The following SENP7 variants were observed in gnomAD, a reference collection of about 807,000 sequenced individuals.
The protein encoded by SENP7 is sentrin-specific protease 7.
In SENP7, 64 loss-of-function variants were observed where a neutral mutation model predicts 141.2. The ratio of observed to expected loss-of-function variants is 0.45; its 90% CI spans 0.37 to 0.56. The LOEUF is 0.56. SENP7 is among the 20% of genes least tolerant of loss of function. SENP7 has a pLI of 0.00. For synonymous variants in SENP7, 382 were observed against 426.4 expected (o/e 0.90, Z 1.28); for missense variants, 1,025 against 1,212.2 (o/e 0.85, Z 2.29).
chr3:101,461,608 T>C (rs1359919368), intron 3 of SENP7, among the ~76,000 whole-genome samples: 1 of 150,250 alleles, frequency 6.7e-6, no homozygotes, highest in Non-Finnish European at 1.5e-5. Context: ...AAAAAAACAG[T>C]ATTGCAGTTC....
intron 4 of SENP7, among the ~76,000 whole-genome samples, chr3:101,440,825 T>C (rs2062640329): frequency 6.6e-6 from 1 of 152,166 alleles, no homozygotes; most frequent in Non-Finnish European, 1.5e-5. Context: ...CAAGGAGATT[T>C]ATCCCAGGAA....
intron 6 of SENP7, among the ~76,000 whole-genome samples, chr3:101,386,518 T>C (rs1242975208): frequency 6.6e-6 from 1 of 152,118 alleles, no homozygotes; most frequent in African/African-American, 2.4e-5. Context: ...ACAGACGACA[T>C]CATGCCCTGA....
At chr3:101,356,565 T>G (rs1447671380) in intron 11 of SENP7, among the ~76,000 whole-genome samples, 2 of 152,050 alleles carry the variant, frequency 1.3e-5, no homozygotes, top group African/African-American at 4.8e-5. Context: ...TACTCAACAC[T>G]CTGATTTCGT....
Position 101,380,873 on chromosome 3 carries a change from C to T in SENP7, c.678-8747G>A, listed in dbSNP as rs1432133003. Reference sequence around the variant, plus strand: ...GAAAAAAAACTGGATACAATCCAAACTCCATCAATAAAAAGTAGGTAGATC... The same window carrying T: ...GAAAAAAAACTGGATACAATCCAAATTCCATCAATAAAAAGTAGGTAGATC... On this transcript the variant is annotated intron_variant, in intron 6 of 23. Coordinates refer to ENST00000394095, the MANE Select transcript of SENP7 (RefSeq NM_020654.5). Among the ~76,000 whole-genome samples the T allele has an allele frequency of 5.9e-5, 9 of 152,112 alleles. No individual in the cohort carries two copies. The South Asian group carries it at 1.9e-3, about 32-fold the overall frequency.
intron 4 of SENP7, among the ~76,000 whole-genome samples, chr3:101,452,266 TATC>T (rs2063169997): frequency 6.6e-6 from 1 of 151,884 alleles, no homozygotes; most frequent in African/African-American, 2.4e-5. Flanking sequence ...GAAGAATCAA[TATC>T]ATGAAAATGG....
At chr3:101,488,748 A>G (rs2064835730) in intron 3 of SENP7, among the ~76,000 whole-genome samples, 1 of 152,214 alleles carries the variant, frequency 6.6e-6, no homozygotes, top group African/African-American at 2.4e-5. Flanking sequence ...AGGCTGACGC[A>G]GGAGAATTGC....
At chr3:101,418,303 C>G (rs2061684245) in intron 4 of SENP7, among the ~76,000 whole-genome samples, 1 of 151,734 alleles carries the variant, frequency 6.6e-6, no homozygotes, top group African/African-American at 2.4e-5. Context: ...ATTTACCTTA[C>G]TGTACCTATA....
chr3:101,493,330 A>T (rs977077635), intron 3 of SENP7, among the ~76,000 whole-genome samples: 2 of 152,160 alleles, frequency 1.3e-5, no homozygotes, highest in Non-Finnish European at 2.9e-5. Context: ...TCTGTACAAT[A>T]AACCCCCATG....
At chr3:101,475,898 T>C (rs1332415318) in intron 3 of SENP7, among the ~76,000 whole-genome samples, 1 of 151,960 alleles carries the variant, frequency 6.6e-6, no homozygotes, top group Non-Finnish European at 1.5e-5. Flanking sequence ...CCCAATACAA[T>C]GATACTTGGA....
chr3:101,417,688 C>G lies in SENP7; in HGVS notation c.387G>C (p.Lys129Asn). 1 of 1,613,744 alleles carries G rather than the reference C, an allele frequency of 6.2e-7. No homozygotes were observed. Reference sequence around the variant, plus strand: ...TCGAAGGCAATGAGTCTGATTGCACCTTGTTGGCATCACATAAATTAGCAT... The same window carrying G: ...TCGAAGGCAATGAGTCTGATTGCACGTTGTTGGCATCACATAAATTAGCAT... ...RNDANLCDAN[K>N]VQSDSLPSTS... The change falls in exon 5 of 24, where the codon AAG (lysine) becomes AAC (asparagine). Residue 129 changes from lysine (K) to asparagine (N), a missense_variant. By Grantham distance (94) the Lys-to-Asn change is moderately conservative. Around this residue, in one of 4 missense-constraint regions of SENP7, gnomAD observed 496 missense variants for 503.5 expected, o/e 0.99. Transcript: ENST00000394095.
intron 3 of SENP7, among the ~76,000 whole-genome samples, chr3:101,463,396 T>TATATATACAC (rs1320861204): frequency 1.4e-4 from 12 of 82,854 alleles, no homozygotes; most frequent in Admixed American, 2.5e-4. Context: ...TATATATATA[T>TATATATACAC]ACATATATAT....
intron 9 of SENP7, 79 bp downstream of exon 9, chr3:101,366,351 A>C: frequency 8.9e-7 from 1 of 1,124,008 alleles, no homozygotes; most frequent in Non-Finnish European, 1.3e-6. Context: ...GCCTTAGCCA[A>C]ATTTGTTCAA....
chr3:101,340,494 T>C, intron 15 of SENP7: 1 of 302,464 alleles, frequency 3.3e-6, no homozygotes, highest in Non-Finnish European at 6.0e-6. Flanking sequence ...AGGTTTTATC[T>C]CACAATCAGT....
intron 5 of SENP7, among the ~76,000 whole-genome samples, chr3:101,408,987 A>G (rs2061381270): frequency 6.6e-6 from 1 of 152,204 alleles, no homozygotes; most frequent in East Asian, 1.9e-4. Context: ...GAGGATGTCA[A>G]GCTGTCCCTA....
At chr3:101,479,892 C>CAAAAAAAAA (rs1168285268) in intron 3 of SENP7, among the ~76,000 whole-genome samples, 4 of 7,346 alleles carry the variant, frequency 5.4e-4, no homozygotes, top group Admixed American at 2.2e-3. Flanking sequence ...ACAACAGCTA[C>CAAAAAAAAA]AAAAAAAAAA....
chr3:101,395,395 T>C (rs920340030), intron 6 of SENP7, among the ~76,000 whole-genome samples: 3 of 152,342 alleles, frequency 2.0e-5, no homozygotes, highest in South Asian at 4.1e-4. Flanking sequence ...GAAGAGGGTG[T>C]CCTTTCCCCA....
Position 101,398,993 on chromosome 3 carries a change from GTCC to G in SENP7, c.542_544del (p.Arg181del), listed in dbSNP as rs1559769319. The G allele has an allele frequency of 6.2e-7, 1 of 1,613,450 alleles. No homozygotes were observed. The highest frequency in any genetic ancestry group is 1.1e-5 in the South Asian group (1 of 90,994). On this transcript the variant is annotated inframe_deletion, in exon 6 of 24. Coordinates refer to ENST00000394095, the MANE Select transcript of SENP7 (RefSeq NM_020654.5). ...CAAACTTCCCTCAGTTACAGGTGGG[GTCC>G]TTATGTATTTTCTTCCTAACTCCGT...
chr3:101,510,111 T>C (rs2108216019), intron 1 of SENP7, among the ~76,000 whole-genome samples: 1 of 152,364 alleles, frequency 6.6e-6, no homozygotes, highest in Admixed American at 6.5e-5. Flanking sequence ...TTGCAGTCTA[T>C]GATTCTAATT....
In SENP7 at chr3:101,327,838, A is replaced by G. The variant is rs147999457; in HGVS notation, c.2865-22T>C. The G allele has an allele frequency of 7.3e-4, 1,123 of 1,534,262 alleles. 7 individuals carry two copies. In the African/African-American group the frequency reaches 0.013, roughly 18 times the overall value. Reference sequence around the variant, plus strand: ...ATACCTGAAATAATCAACAAATAAGAGTGACTAAAGTAGAAATCTATTTAT... The same window carrying G: ...ATACCTGAAATAATCAACAAATAAGGGTGACTAAAGTAGAAATCTATTTAT... On this transcript the variant is annotated intron_variant, in intron 22 of 23. Coordinates refer to ENST00000394095, the MANE Select transcript of SENP7 (RefSeq NM_020654.5).
Sources: gnomAD v4.1 joint callset for allele counts (sites outside exome capture counted in the v4.1 genomes callset) on GRCh38, gnomAD v4.1.1 for gene constraint, gnomAD v4.1.1 regional missense constraint, MANE v1.5 for transcripts, NCBI Gene and HGNC (gene_info 2026-07-23, HGNC 2026-07-21) for gene names.